UBL3: variants seen among roughly 807,000 people sequenced by gnomAD.
The protein encoded by UBL3 is ubiquitin like 3.
A neutral mutation model predicts 18.4 loss-of-function variants in UBL3; 6 were observed. The observed-to-expected ratio is 0.33, with a 90% CI of 0.18 to 0.64. The LOEUF (loss-of-function observed/expected upper bound fraction) is 0.64, where lower values mean the gene tolerates loss of function less well. Among genes scored for constraint, UBL3 ranks in the 30% least tolerant of loss-of-function variants. The pLI, the probability that UBL3 is intolerant of heterozygous loss-of-function variation, is 0.76. For missense variants in UBL3, 109 were observed against 142.9 expected, an observed-to-expected ratio of 0.76 and a Z score of 1.21; for synonymous variants, 49 against 46.6, an observed-to-expected ratio of 1.05 and a Z score of -0.21.
intron 1 of UBL3, among the ~76,000 whole-genome samples, chr13:29,824,356 C>T (rs1249294280): frequency 6.6e-6 from 1 of 152,210 alleles, no homozygotes; most frequent in Non-Finnish European, 1.5e-5. Context: ...TTCTCCACAT[C>T]CTCTCCAGCA....
chr13:29,789,435 T>C (rs972291338), intron 1 of UBL3, among the ~76,000 whole-genome samples: 1 of 152,254 alleles, frequency 6.6e-6, no homozygotes, highest in East Asian at 1.9e-4. Context: ...ATCTTTCATA[T>C]GCCAAAATCT....
chr13:29,817,134 A>G lies in UBL3; in HGVS notation c.27+32378T>C, dbSNP rs146571820. ...TAAATACTAAACCACCTCAATCTTT[A>G]AAGTCACTTTAGGAGGAAAATACAT... is the stretch of plus-strand genomic sequence containing the variant. On this transcript the variant is annotated intron_variant, in intron 1 of 4. Transcript: ENST00000380680. Among the ~76,000 whole-genome samples, 364 of 152,302 alleles carry G rather than the reference A, an allele frequency of 2.4e-3. 4 individuals are homozygous for G. Among genetic ancestry groups the G allele is most frequent in the African/African-American group, 8.3e-3 (346 of 41,570 alleles).
At chr13:29,824,393 T>C (rs943001878) in intron 1 of UBL3, among the ~76,000 whole-genome samples, 1 of 152,210 alleles carries the variant, frequency 6.6e-6, no homozygotes, top group Admixed American at 6.5e-5. Context: ...TTTTTAATGA[T>C]CACCATTCTA....
chr13:29,770,279 C>G lies in UBL3; in HGVS notation c.223+1833G>C, dbSNP rs549971388. 9.2e-5 allele frequency among the ~76,000 whole-genome samples: 14 copies of G among 152,152 alleles called. No homozygotes were observed. The South Asian group carries it at 2.5e-3, about 27-fold the overall frequency. ...TTGAATGTTGTTATCCAAACTTGCT[C>G]AAACATCCAGCTACAATTATTAACG... On this transcript the variant is annotated intron_variant, in intron 3 of 4. Transcript: ENST00000380680.
At chr13:29,782,887 C>T (rs747624751) in intron 1 of UBL3, among the ~76,000 whole-genome samples, 15 of 152,216 alleles carry the variant, frequency 9.9e-5, no homozygotes, top group Non-Finnish European at 1.8e-4. Context: ...ACCCACAGCA[C>T]TGCACTGCTG....
At chr13:29,822,445 T>G (rs1878483327) in intron 1 of UBL3, among the ~76,000 whole-genome samples, 1 of 152,218 alleles carries the variant, frequency 6.6e-6, no homozygotes, top group Non-Finnish European at 1.5e-5. Flanking sequence ...CTCAAACCTC[T>G]GCTCCTTTTG....
At chr13:29,809,435 C>A (rs1045878478) in intron 1 of UBL3, among the ~76,000 whole-genome samples, 3 of 152,084 alleles carry the variant, frequency 2.0e-5, no homozygotes, top group African/African-American at 4.8e-5. Context: ...AAGACAGCCA[C>A]CAATAAGGCT....
intron 1 of UBL3, among the ~76,000 whole-genome samples, chr13:29,828,740 A>G (rs1772726): frequency 0.1 from 15,542 of 152,162 alleles, 973 homozygotes; most frequent in African/African-American, 0.17. Context: ...GTTTGGAGGG[A>G]AACAGGCGCT....
chr13:29,772,405 G>C (rs1360704761), intron 2 of UBL3, among the ~76,000 whole-genome samples: 1 of 151,984 alleles, frequency 6.6e-6, no homozygotes, highest in Non-Finnish European at 1.5e-5. Flanking sequence ...GCTGCAAAAA[G>C]ACTCGTTTTG....
At chr13:29,825,696 C>T (rs1308723990) in intron 1 of UBL3, among the ~76,000 whole-genome samples, 1 of 152,080 alleles carries the variant, frequency 6.6e-6, no homozygotes, top group Admixed American at 6.6e-5. Context: ...TTTCTTTCTC[C>T]TGCCCGATTG....
chr13:29,832,488 G>A (rs922784917), intron 1 of UBL3, among the ~76,000 whole-genome samples: 1 of 151,876 alleles, frequency 6.6e-6, no homozygotes, highest in Non-Finnish European at 1.5e-5. Context: ...CCCCACCACC[G>A]CGCCCGGCTA....
chr13:29,771,589 G>C (rs1178874966), intron 3 of UBL3, among the ~76,000 whole-genome samples: 1 of 152,028 alleles, frequency 6.6e-6, no homozygotes, highest in Non-Finnish European at 1.5e-5. Flanking sequence ...GGTTTACACA[G>C]CCAGTAAGTA....
chr13:29,829,088 A>AG (rs1224434257), intron 1 of UBL3, among the ~76,000 whole-genome samples: 3 of 152,134 alleles, frequency 2.0e-5, no homozygotes, highest in Middle Eastern at 3.4e-3. Flanking sequence ...TGCCCCTACT[A>AG]GGGGGTGCCT....
chr13:29,848,551 C>A (rs532620864), intron 1 of UBL3, among the ~76,000 whole-genome samples: 1 of 152,202 alleles, frequency 6.6e-6, no homozygotes, highest in East Asian at 1.9e-4. Context: ...ACTGAATACA[C>A]AAACACTCAA....
Position 29,793,255 on chromosome 13 carries a change from T to C in UBL3, c.28-15992A>G, listed in dbSNP as rs150561935. On this transcript the variant is annotated intron_variant, in intron 1 of 4. Transcript: ENST00000380680. ...TAACAGACAGCAGAAATAATATTCA[T>C]AAATAGGAAAGATTGGTATATGCAG... 4.3e-4 allele frequency among the ~76,000 whole-genome samples: 66 copies of C among 152,230 alleles called. 1 individual carries two copies. Among genetic ancestry groups the C allele is most frequent in the African/African-American group, 1.5e-3 (62 of 41,556 alleles).
chr13:29,843,867 T>TG (rs34825228), intron 1 of UBL3, among the ~76,000 whole-genome samples: 136,659 of 152,192 alleles, frequency 0.9, 61,537 homozygotes, highest in East Asian at 0.98. Flanking sequence ...ACTTGGGGAT[T>TG]TTTTCCCAAA....
intron 1 of UBL3, among the ~76,000 whole-genome samples, chr13:29,842,323 A>C (rs1173911401): frequency 6.6e-6 from 1 of 151,704 alleles, no homozygotes; most frequent in Non-Finnish European, 1.5e-5. Flanking sequence ...ATGCCCAGCT[A>C]ATTTTTGTAT....
chr13:29,770,750 T>C (rs532567139), intron 3 of UBL3, among the ~76,000 whole-genome samples: 42 of 151,996 alleles, frequency 2.8e-4, no homozygotes, highest in African/African-American at 9.6e-4. Flanking sequence ...ATGTACAATA[T>C]AGCCAGGGAG....
rs1270113336 is a variant in UBL3 at position 29,767,669 on chromosome 13, T to C, written c.250A>G (p.Thr84Ala). 1.2e-6 allele frequency: 2 copies of C among 1,613,002 alleles called. No homozygotes were observed. The highest frequency in any genetic ancestry group is 2.2e-5 in the East Asian group (1 of 44,846). The part of the protein sequence containing the change: ...GALKLPFGKT[T>A]VMHLVARETL... ...TCTCTGGCCACCAAATGCATCACTG[T>C]TGTTTTGCCAAAAGGAAGTTTTAAT... Residue 84 changes from threonine to alanine, a missense_variant, in exon 4 of 5, where the codon ACA (threonine) becomes GCA (alanine). Coordinates refer to ENST00000380680, the MANE Select transcript of UBL3 (RefSeq NM_007106.4).
Sources: allele counts gnomAD v4.1 joint callset (sites outside exome capture counted in the v4.1 genomes callset), GRCh38; gene constraint gnomAD v4.1.1; transcripts MANE v1.5; gene names NCBI Gene and HGNC (gene_info 2026-07-23, HGNC 2026-07-21).